The following STAM2 variants were observed in gnomAD, a reference collection of about 807,000 sequenced individuals.
The protein encoded by STAM2 is signal transducing adapter molecule 2.
Under a neutral mutation model 65.6 loss-of-function variants are expected in STAM2, and 51 were observed. The observed-to-expected ratio is 0.78, with a 90% CI of 0.62 to 0.98. STAM2 has a LOEUF of 0.98. Ranked by LOEUF, STAM2 falls within the 50% of genes least tolerant of loss-of-function variation. The pLI is 0.00. For missense variants in STAM2, 584 were observed against 617.8 expected (o/e 0.95, Z 0.58); for synonymous variants, 198 against 208.4 (o/e 0.95, Z 0.43).
At chr2:152,155,875 G>GA (rs1405352803) in intron 1 of STAM2, among the ~76,000 whole-genome samples, 1 of 152,134 alleles carries the variant, frequency 6.6e-6, no homozygotes, top group Non-Finnish European at 1.5e-5. Flanking sequence ...GGCAGGAACA[G>GA]AAAAATATTT....
At chr2:152,162,648 T>C (rs1265664563) in intron 1 of STAM2, among the ~76,000 whole-genome samples, 4 of 152,240 alleles carry the variant, frequency 2.6e-5, no homozygotes, top group East Asian at 3.9e-4. Flanking sequence ...ATTATTCTTA[T>C]TATTATAATT....
rs534158036 is a variant in STAM2, at chr2:152,151,510, C to T, written c.41-1281G>A. Among the ~76,000 whole-genome samples, 34 of 152,238 alleles carry T rather than the reference C, an allele frequency of 2.2e-4. No homozygotes were observed. The South Asian group carries it at 5.4e-3, about 24-fold the overall frequency. ...CATGAGTTTTTTAAGACAGCTTTAT[C>T]GCTATAATTCATGTATCAATACAAT... On this transcript the variant is annotated intron_variant, in intron 1 of 13. Coordinates refer to ENST00000263904, the MANE Select transcript of STAM2 (RefSeq NM_005843.6).
intron 2 of STAM2, among the ~76,000 whole-genome samples, chr2:152,149,348 G>C (rs1689397043): frequency 6.6e-6 from 1 of 151,966 alleles, no homozygotes; most frequent in South Asian, 2.1e-4. Flanking sequence ...CATAAATCCA[G>C]CATTCAGGCT....
At chr2:152,151,776 T>C (rs1212093242) in intron 1 of STAM2, among the ~76,000 whole-genome samples, 2 of 152,248 alleles carry the variant, frequency 1.3e-5, no homozygotes. Context: ...TATATGTTCT[T>C]TTCTGACTGG....
intron 1 of STAM2, among the ~76,000 whole-genome samples, chr2:152,165,013 T>A (rs1689750941): frequency 6.6e-6 from 1 of 152,044 alleles, no homozygotes; most frequent in African/African-American, 2.4e-5. Flanking sequence ...ACGAGCACAC[T>A]CATTTACACA....
chr2:152,141,138 CAA>C (rs72256027), intron 7 of STAM2, among the ~76,000 whole-genome samples: 10,379 of 109,684 alleles, frequency 0.095, 443 homozygotes, highest in Middle Eastern at 0.15. Context: ...GACCCTGTCT[CAA>C]AAAAAAAAAA....
intron 1 of STAM2, among the ~76,000 whole-genome samples, chr2:152,166,170 T>C (rs1350086889): frequency 1.4e-5 from 2 of 145,948 alleles, no homozygotes; most frequent in Non-Finnish European, 3.0e-5. Flanking sequence ...CAAGGCTCTG[T>C]CTCAAAAACA....
chr2:152,154,590 C>T (rs1226692073), intron 1 of STAM2, among the ~76,000 whole-genome samples: 3 of 151,974 alleles, frequency 2.0e-5, no homozygotes, highest in African/African-American at 4.8e-5. Flanking sequence ...TGCACTCCAA[C>T]GTGGACAACA....
At chr2:152,132,655 TAAAG>T (rs1689085077) in intron 10 of STAM2, among the ~76,000 whole-genome samples, 1 of 143,638 alleles carries the variant, frequency 7.0e-6, no homozygotes, top group African/African-American at 2.5e-5. Flanking sequence ...TTCTTCTATA[TAAAG>T]ATTTAAGAAG....
chr2:152,174,421 T>C (rs1220166221), intron 1 of STAM2, among the ~76,000 whole-genome samples: 2 of 152,178 alleles, frequency 1.3e-5, no homozygotes, highest in East Asian at 3.8e-4. Flanking sequence ...GTCACCTGTA[T>C]TCATCCACCA....
rs149042969 is a variant in STAM2 at position 152,125,726 on chromosome 2, C to T, written c.1179+500G>A. Among the ~76,000 whole-genome samples, 265 of 152,258 alleles carry T rather than the reference C, an allele frequency of 1.7e-3. 1 individual carries two copies. In the Middle Eastern group the frequency reaches 0.034, roughly 20 times the overall value. ...GCAGCTAAGTAAAGGAAGTATAAAGCATACTCTAGAAGTTCATTGTGCCTG... is the reference window on the plus strand; with the variant it reads ...GCAGCTAAGTAAAGGAAGTATAAAGTATACTCTAGAAGTTCATTGTGCCTG... On this transcript the variant is annotated intron_variant, in intron 12 of 13. Coordinates refer to ENST00000263904, the MANE Select transcript of STAM2 (RefSeq NM_005843.6).
chr2:152,173,025 C>G (rs1689924650), intron 1 of STAM2, among the ~76,000 whole-genome samples: 1 of 151,914 alleles, frequency 6.6e-6, no homozygotes, highest in South Asian at 2.1e-4. Flanking sequence ...ATTTGTAGCA[C>G]TATACTTATC....
intron 7 of STAM2, among the ~76,000 whole-genome samples, chr2:152,138,671 TTATA>T (rs1324892038): frequency 6.6e-6 from 1 of 152,066 alleles, no homozygotes; most frequent in Non-Finnish European, 1.5e-5. Context: ...GACGAAAGAG[TTATA>T]TATCATCCAA....
chr2:152,137,530 T>A (rs1428765021), intron 7 of STAM2, among the ~76,000 whole-genome samples: 2 of 152,226 alleles, frequency 1.3e-5, no homozygotes, highest in Non-Finnish European at 2.9e-5. Context: ...CAGTTGTTTG[T>A]CTGAATTATG....
Position 152,133,269 on chromosome 2 carries a change from G to GTGTCCT in STAM2, c.883-10_883-9insAGGACA. 6.3e-7 allele frequency: 1 copy of GTGTCCT among 1,596,440 alleles called. No individual in the cohort carries two copies. Among genetic ancestry groups the GTGTCCT allele is most frequent in the East Asian group, 2.2e-5 (1 of 44,694 alleles). On this transcript the variant is annotated splice_polypyrimidine_tract_variant and intron_variant, in intron 9 of 13. Transcript: ENST00000263904. The stretch of plus-strand genomic sequence containing the variant: ...GCTCTATCCATCTTATCCTAAAAAA[G>GTGTCCT]TAACAGGACACTTTTCAAAAACTCA...
chr2:152,148,359 C>T, intron 2 of STAM2, 59 bp from the exon 3 acceptor site: 1 of 1,339,412 alleles, frequency 7.5e-7, no homozygotes, highest in African/African-American at 1.5e-5. Context: ...TTAATTCAAA[C>T]ATTAAGGTAT....
At position 152,120,509 on chromosome 2, in the gene STAM2, G is replaced by T; in HGVS notation, c.*65C>A. On this transcript the variant is annotated 3_prime_UTR_variant, in exon 14 of 14. Coordinates refer to ENST00000263904, the MANE Select transcript of STAM2 (RefSeq NM_005843.6). ...AGGGAAAAAAGTTTTAATATTTTCA[G>T]GTTGGTATCACAAGGACTGAATAAT... 1 of 1,389,240 alleles carries T rather than the reference G, an allele frequency of 7.2e-7. No individual in the cohort carries two copies. The highest frequency in any genetic ancestry group is 1.0e-6 in the Non-Finnish European group (1 of 991,516). 86.1% of individuals were successfully genotyped at this position (1,389,240 alleles called of 1,614,324 possible).
rs184057348 is a variant in STAM2 at position 152,158,836 on chromosome 2, C to G, written c.41-8607G>C. 1.1e-3 allele frequency among the ~76,000 whole-genome samples: 168 copies of G among 151,968 alleles called. 2 individuals carry two copies. The East Asian group carries it at 0.021, about 19-fold the overall frequency. ...GGAGAGTGAACCCACCCCTGTAAGC[C>G]CTTTTTATTGCAGCATTAATCCATT... On this transcript the variant is annotated intron_variant, in intron 1 of 13. Coordinates refer to ENST00000263904, the MANE Select transcript of STAM2 (RefSeq NM_005843.6).
At chr2:152,132,738 C>T (rs1208947604) in intron 10 of STAM2, among the ~76,000 whole-genome samples, 5 of 151,890 alleles carry the variant, frequency 3.3e-5, no homozygotes, top group Non-Finnish European at 7.4e-5. Flanking sequence ...TTTAATTGTT[C>T]TCACATTTCT....
Sources: gnomAD v4.1 joint callset for allele counts (sites outside exome capture counted in the v4.1 genomes callset) on GRCh38, gnomAD v4.1.1 for gene constraint, MANE v1.5 for transcripts, NCBI Gene and HGNC (gene_info 2026-07-23, HGNC 2026-07-21) for gene names.